Variants in WDFY3 observed in about 807,000 individuals in gnomAD.
WDFY3 encodes WD repeat and FYVE domain containing 3, also known as WD repeat and FYVE domain-containing protein 3.
WDFY3 carries 66 observed loss-of-function variants against 409.6 expected under a neutral mutation model. The ratio of observed to expected loss-of-function variants is 0.16; its 90% confidence interval spans 0.13 to 0.20. The LOEUF (loss-of-function observed/expected upper bound fraction) is 0.20, where lower values mean the gene tolerates loss of function less well. WDFY3 is among the 10% of genes least tolerant of loss of function. The pLI is 1.00. For synonymous variants in WDFY3, 1,521 were observed against 1,537.1 expected (o/e 0.99, Z 0.25); for missense variants, 3,031 against 4,298.1 (o/e 0.71, Z 8.24).
At chr4:84,888,446 T>C (rs1359980468) in intron 3 of WDFY3, among the ~76,000 whole-genome samples, 1 of 152,014 alleles carries the variant, frequency 6.6e-6, no homozygotes, top group Non-Finnish European at 1.5e-5. Flanking sequence ...AATGAGATAA[T>C]AACTTTAGAA....
Position 84,676,877 on chromosome 4 carries a change from G to A in WDFY3, c.10457+322C>T, listed in dbSNP as rs80028475. ...AAAACATGGAGAATGGGTGTGATTG[G>A]TGAAAGGTGCAAAGAGGATACTTAC... On this transcript the variant is annotated intron_variant, in intron 67 of 67. Transcript: ENST00000295888. 5.5e-3 allele frequency among the ~76,000 whole-genome samples: 840 copies of A among 152,314 alleles called. 8 individuals are homozygous for A. Among genetic ancestry groups the A allele is most frequent in the African/African-American group, 0.019 (792 of 41,572 alleles).
chr4:84,762,669 C>G lies in WDFY3; in HGVS notation c.5188+3141G>C, dbSNP rs182306694. On this transcript the variant is annotated intron_variant, in intron 32 of 67. Coordinates refer to ENST00000295888, the MANE Select transcript of WDFY3 (RefSeq NM_014991.6). The stretch of plus-strand genomic sequence containing the variant: ...GTGGAGGCACTATGATTTGACAACT[C>G]ATTTCTCCATTTTAGAGTCTGTAAA... Among the ~76,000 whole-genome samples, 795 of 152,196 alleles carry G rather than the reference C, an allele frequency of 5.2e-3. 5 individuals are homozygous for G. The highest frequency in any genetic ancestry group is 9.5e-3 in the Non-Finnish European group (644 of 68,000).
At chr4:84,682,326 A>T (rs771414727) in intron 64 of WDFY3, 48 bp downstream of exon 64, 4 of 1,567,150 alleles carry the variant, frequency 2.6e-6, no homozygotes, top group South Asian at 1.1e-5. Context: ...CAGTGACTTA[A>T]AAGAAATATG....
chr4:84,945,043 T>G (rs1321035159), intron 1 of WDFY3, among the ~76,000 whole-genome samples: 1 of 152,086 alleles, frequency 6.6e-6, no homozygotes, highest in Non-Finnish European at 1.5e-5. Context: ...GGTCACAGCC[T>G]AAAAAAATTC....
At chr4:84,826,684 A>G in intron 10 of WDFY3, 131 bp downstream of exon 10, 1 of 906,388 alleles carries the variant, frequency 1.1e-6, no homozygotes, top group South Asian at 4.7e-5. Context: ...ATTAAAAAAA[A>G]AACAAGCTTT....
At chr4:84,872,889 T>C (rs1218550327) in intron 3 of WDFY3, among the ~76,000 whole-genome samples, 1 of 152,184 alleles carries the variant, frequency 6.6e-6, no homozygotes, top group Non-Finnish European at 1.5e-5. Flanking sequence ...AGTAGCTAAA[T>C]TAATTTTACA....
chr4:84,867,250 T>C (rs904605203), intron 3 of WDFY3, among the ~76,000 whole-genome samples: 1 of 152,196 alleles, frequency 6.6e-6, no homozygotes, highest in Non-Finnish European at 1.5e-5. Flanking sequence ...GGAAATACTA[T>C]AAGCCCCTAC....
intron 3 of WDFY3, among the ~76,000 whole-genome samples, chr4:84,865,799 G>A (rs928162595): frequency 6.6e-6 from 1 of 152,192 alleles, no homozygotes; most frequent in Non-Finnish European, 1.5e-5. Context: ...ACCAGGCACA[G>A]TAGCTCACAC....
chr4:84,702,834 C>A (rs988207274), intron 55 of WDFY3, among the ~76,000 whole-genome samples: 1 of 152,196 alleles, frequency 6.6e-6, no homozygotes, highest in Admixed American at 6.5e-5. Flanking sequence ...CGGCGGCTCA[C>A]GCCTGTAATC....
chr4:84,785,835 G>T, intron 24 of WDFY3, 144 bp downstream of exon 24: 1 of 1,010,242 alleles, frequency 9.9e-7, no homozygotes, highest in Non-Finnish European at 1.4e-6. Flanking sequence ...GCCTACATTT[G>T]AAGTCAAATT....
chr4:84,711,476 T>C (rs933083774), intron 51 of WDFY3, among the ~76,000 whole-genome samples: 1 of 152,066 alleles, frequency 6.6e-6, no homozygotes, highest in Non-Finnish European at 1.5e-5. Flanking sequence ...TTAATAAACA[T>C]ATACAGAGCT....
intron 52 of WDFY3, 79 bp from the exon 53 acceptor site, chr4:84,709,107 T>G: frequency 6.4e-7 from 1 of 1,558,752 alleles, no homozygotes; most frequent in Non-Finnish European, 8.7e-7. Flanking sequence ...ATATACAAAA[T>G]GATGTAAAGG....
intron 30 of WDFY3, among the ~76,000 whole-genome samples, chr4:84,771,603 A>G (rs905123774): frequency 1.3e-5 from 2 of 152,194 alleles, no homozygotes; most frequent in African/African-American, 4.8e-5. Flanking sequence ...ATGCTTGTTT[A>G]GACTACCTGG....
intron 67 of WDFY3, 146 bp from the exon 68 acceptor site, chr4:84,673,137 A>C: frequency 9.8e-7 from 1 of 1,018,484 alleles, no homozygotes. Context: ...AAGGACTAAA[A>C]GGAAAGCTGT....
intron 43 of WDFY3, 80 bp from the exon 44 acceptor site, chr4:84,733,689 G>T: frequency 1.5e-6 from 2 of 1,328,286 alleles, no homozygotes; most frequent in Non-Finnish European, 1.0e-6. Context: ...TGAAAATCAA[G>T]TTATTATTTG....
chr4:84,674,775 GA>G, intron 67 of WDFY3, among the ~76,000 whole-genome samples: 1 of 151,392 alleles, frequency 6.6e-6, no homozygotes, highest in Non-Finnish European at 1.5e-5. Context: ...AGCTGAGGTA[GA>G]AGAATCGCTT....
intron 10 of WDFY3, among the ~76,000 whole-genome samples, chr4:84,823,486 C>T (rs895862731): frequency 5.3e-5 from 8 of 151,504 alleles, no homozygotes; most frequent in African/African-American, 1.2e-4. Flanking sequence ...TCAAAAGATG[C>T]GTTAAAAAAA....
chr4:84,948,134 T>C (rs1272618583), intron 1 of WDFY3, among the ~76,000 whole-genome samples: 1 of 152,218 alleles, frequency 6.6e-6, no homozygotes, highest in Admixed American at 6.5e-5. Context: ...CAATTTATCA[T>C]AATCATGCAT....
intron 1 of WDFY3, among the ~76,000 whole-genome samples, chr4:84,936,540 G>T (rs906987784): frequency 6.6e-6 from 1 of 151,938 alleles, no homozygotes; most frequent in Non-Finnish European, 1.5e-5. Flanking sequence ...AAATTATTTG[G>T]CTTGAAGATC....
Sources: allele counts gnomAD v4.1 joint callset (sites outside exome capture counted in the v4.1 genomes callset), GRCh38; gene constraint gnomAD v4.1.1; transcripts MANE v1.5; gene names NCBI Gene and HGNC (gene_info 2026-07-23, HGNC 2026-07-21).